FAM20C: variants seen among roughly 807,000 people sequenced by gnomAD.
The protein encoded by FAM20C is FAM20C golgi associated secretory pathway kinase.
In FAM20C, 40 loss-of-function variants were observed where a neutral mutation model predicts 51.5. That is an observed-to-expected ratio of 0.78 (90% CI 0.60 to 1.01). The LOEUF (loss-of-function observed/expected upper bound fraction) is 1.01, where lower values mean the gene tolerates loss of function less well. Ranked by LOEUF, FAM20C falls within the 50% of genes least tolerant of loss-of-function variation. FAM20C has a pLI of 0.00. For synonymous variants in FAM20C, 406 were observed against 380.6 expected (o/e 1.07, Z -0.78); for missense variants, 861 against 844.7 (o/e 1.02, Z -0.24).
At chr7:194,021 C>T (rs1785728152) in intron 1 of FAM20C, 2 of 687,034 alleles carry the variant, frequency 2.9e-6, no homozygotes, top group African/African-American at 1.9e-5. Flanking sequence ...GGAGCTGTGC[C>T]CTGTGGCTGC....
intron 3 of FAM20C, among the ~76,000 whole-genome samples, chr7:216,555 C>A (rs947779828): frequency 1.3e-5 from 2 of 151,902 alleles, no homozygotes; most frequent in African/African-American, 2.4e-5. Context: ...GCCGGGGAAT[C>A]TTTTCTCCAG....
intron 4 of FAM20C, among the ~76,000 whole-genome samples, chr7:247,376 C>T (rs1423892837): frequency 6.6e-6 from 1 of 152,148 alleles, no homozygotes; most frequent in African/African-American, 2.4e-5. Flanking sequence ...ACCCTCAGCC[C>T]CCAGAGCCTC....
Position 193,386 on chromosome 7 carries a change from G to A in FAM20C, c.187G>A (p.Val63Ile), listed in dbSNP as rs900977458. Reference sequence around the variant, plus strand: ...GGTGGCCGCGCCCGGCTGGGCCCAGGTTCGGGGCCGCCCCGGGGAGCCCCC... The same window carrying A: ...GGTGGCCGCGCCCGGCTGGGCCCAGATTCGGGGCCGCCCCGGGGAGCCCCC... The part of the protein sequence containing the change: ...AEVAAPGWAQ[V>I]RGRPGEPPAA... The change falls in exon 1 of 10, where the codon GTT becomes ATT. Residue 63 changes from valine to isoleucine, a missense_variant. Val to Ile is a conservative substitution (Grantham distance 29). This residue lies in a region of FAM20C where 561 missense variants were observed against 499.8 expected (regional missense o/e 1.12). Coordinates refer to ENST00000313766, the MANE Select transcript of FAM20C (RefSeq NM_020223.4). 1.5e-6 allele frequency: 2 copies of A among 1,369,948 alleles called. No individual in the cohort carries two copies. Among genetic ancestry groups the A allele is most frequent in the Non-Finnish European group, 1.9e-6 (2 of 1,050,572 alleles). The allele number at this position is 1,369,948 out of a possible 1,614,324, so 84.9% of individuals were successfully genotyped here. A position where few individuals can be genotyped will look rare whatever the true frequency, so the allele number is the denominator to read the frequency against.
intron 2 of FAM20C, among the ~76,000 whole-genome samples, chr7:204,630 A>G (rs1364364886): frequency 6.6e-6 from 1 of 152,064 alleles, no homozygotes; most frequent in Non-Finnish European, 1.5e-5. Context: ...TGTTCTCAGC[A>G]CTCAGGGAAG....
At chr7:209,044 C>T (rs538879285) in intron 3 of FAM20C, 68 bp downstream of exon 3, 95 of 1,483,880 alleles carry the variant, frequency 6.4e-5, no homozygotes, top group South Asian at 3.1e-4. Context: ...CGCCGGGCTT[C>T]TGCTGGGGAT....
intron 3 of FAM20C, among the ~76,000 whole-genome samples, chr7:224,234 A>C (rs1456199526): frequency 5.8e-4 from 51 of 87,316 alleles, no homozygotes; most frequent in East Asian, 1.0e-3. Flanking sequence ...TCTCTCACGG[A>C]GCAGAACGGC....
intron 3 of FAM20C, among the ~76,000 whole-genome samples, chr7:214,199 C>T (rs1425585569): frequency 6.6e-6 from 1 of 152,066 alleles, no homozygotes; most frequent in African/African-American, 2.4e-5. Context: ...GTGATGCATG[C>T]CTGTAATCCC....
intron 1 of FAM20C, chr7:194,010 G>C (rs1785727172): frequency 1.2e-6 from 1 of 808,292 alleles, no homozygotes; most frequent in Non-Finnish European, 1.8e-6. Flanking sequence ...CGGCTGGTCC[G>C]GGAGCTGTGC....
chr7:259,756 C>G lies in FAM20C; in HGVS notation c.1531C>G (p.Leu511Val). The G allele has an allele frequency of 6.5e-7, 1 of 1,536,346 alleles. No homozygotes were observed. The highest frequency in any genetic ancestry group is 8.7e-7 in the Non-Finnish European group (1 of 1,146,494). The change falls in exon 10 of 10, where the codon CTG (leucine) becomes GTG (valine). Residue 511 changes from leucine (L) to valine (V), a missense_variant. By Grantham distance (32) the Leu-to-Val change is conservative. This residue lies in a region of FAM20C where 269 missense variants were observed against 283.8 expected (regional missense o/e 0.95). Coordinates refer to ENST00000313766, the MANE Select transcript of FAM20C (RefSeq NM_020223.4). The part of the protein sequence containing the change: ...CRIRKSTYLR[L>V]QLLAKEEYKL... ...GATCCGGAAGTCCACCTACCTGCGTCTGCAGCTCCTGGCCAAGGAGGAGTA... is the reference window on the plus strand; with the variant it reads ...GATCCGGAAGTCCACCTACCTGCGTGTGCAGCTCCTGGCCAAGGAGGAGTA...
chr7:200,011 G>A (rs28665191), intron 2 of FAM20C, among the ~76,000 whole-genome samples: 151,461 of 152,348 alleles, frequency 0.99, 75,325 homozygotes, highest in Middle Eastern at 1. Context: ...TCTTGACACT[G>A]ATTGATCTGC....
chr7:200,911 C>A (rs79351760), intron 2 of FAM20C, among the ~76,000 whole-genome samples: 2,700 of 152,276 alleles, frequency 0.018, 21 homozygotes, highest in Middle Eastern at 0.031. Context: ...CTCCTTGATG[C>A]CAGCCCCAGG....
At chr7:218,343 G>A (rs1170346290) in intron 3 of FAM20C, among the ~76,000 whole-genome samples, 1 of 152,224 alleles carries the variant, frequency 6.6e-6, no homozygotes, top group African/African-American at 2.4e-5. Flanking sequence ...GTCCTGGAGG[G>A]TCCCTCCGTG....
chr7:228,326 A>G (rs1450830423), intron 3 of FAM20C: 3 of 380,196 alleles, frequency 7.9e-6, no homozygotes, highest in African/African-American at 4.2e-5. Flanking sequence ...TTCATTGGAA[A>G]AGCTTGGAAA....
At chr7:256,925 C>G in intron 7 of FAM20C, 80 bp from the exon 8 acceptor site, 11 of 1,471,710 alleles carry the variant, frequency 7.5e-6, no homozygotes, top group Non-Finnish European at 9.2e-6. Flanking sequence ...GAGGAGACGC[C>G]GCTCTGCAGA....
chr7:208,815 G>T (rs1786567869), intron 2 of FAM20C, 83 bp from the exon 3 acceptor site: 7 of 1,407,188 alleles, frequency 5.0e-6, no homozygotes, highest in Non-Finnish European at 5.8e-6. Context: ...GACCCGGATT[G>T]CAGCCAAGAG....
At chr7:237,370 C>T (rs1189099625) in intron 3 of FAM20C, among the ~76,000 whole-genome samples, 1 of 152,210 alleles carries the variant, frequency 6.6e-6, no homozygotes, top group Admixed American at 6.5e-5. Flanking sequence ...CATCACACAA[C>T]GTTGTCACTG....
At chr7:224,236 C>T (rs1464313999) in intron 3 of FAM20C, among the ~76,000 whole-genome samples, 2 of 122,886 alleles carry the variant, frequency 1.6e-5, no homozygotes, top group Non-Finnish European at 3.5e-5. Flanking sequence ...TCTCACGGAG[C>T]AGAACGGCAC....
intron 3 of FAM20C, among the ~76,000 whole-genome samples, chr7:240,340 TGATGTTGATA>T (rs1196012329): frequency 2.6e-3 from 1 of 388 alleles, no homozygotes; most frequent in Non-Finnish European, 4.7e-3. Flanking sequence ...GTGATGATTA[TGATGTTGATA>T]AAGGATGATA....
At chr7:258,255 G>A (rs1435137881) in intron 8 of FAM20C, among the ~76,000 whole-genome samples, 36 of 132,240 alleles carry the variant, frequency 2.7e-4, no homozygotes, top group African/African-American at 1.1e-3. Flanking sequence ...ACTGCCTGAG[G>A]TGCTGGAGAT....
Sources: allele counts gnomAD v4.1 joint callset (sites outside exome capture counted in the v4.1 genomes callset), GRCh38; gene constraint gnomAD v4.1.1; regional missense constraint gnomAD v4.1.1; transcripts MANE v1.5; gene names NCBI Gene and HGNC (gene_info 2026-07-23, HGNC 2026-07-21).